Variants in GTF3C2 observed in about 807,000 individuals in gnomAD.
GTF3C2 encodes general transcription factor IIIC subunit 2.
A neutral mutation model predicts 117.4 loss-of-function variants in GTF3C2; 17 were observed. The ratio of observed to expected loss-of-function variants is 0.14; its 90% CI spans 0.10 to 0.22. The LOEUF is 0.22. Ranked by LOEUF, GTF3C2 falls within the 10% of genes least tolerant of loss-of-function variation. The pLI is 1.00. For missense variants in GTF3C2, 888 were observed against 1,143.6 expected (o/e 0.78, Z 3.22); for synonymous variants, 437 against 427.0 (o/e 1.02, Z -0.29).
At chr2:27,341,888 C>T (rs921575135) in intron 4 of GTF3C2, 60 bp downstream of exon 4, 2 of 1,408,252 alleles carry the variant, frequency 1.4e-6, no homozygotes, top group Non-Finnish European at 2.0e-6. Flanking sequence ...TTCTCAGTAC[C>T]TTGCTGGTCC....
exon 4 of GTF3C2, chr2:27,342,220 G>A (rs1204201995): frequency 6.2e-7 from 1 of 1,610,576 alleles, no homozygotes. Context: ...AGTTCCTGAA[G>A]ATACAGAAGT....
chr2:27,353,907 G>C (rs1188762281), intron 1 of GTF3C2, among the ~76,000 whole-genome samples: 2 of 151,722 alleles, frequency 1.3e-5, no homozygotes, highest in Non-Finnish European at 2.9e-5. Flanking sequence ...TTTTTTTGTA[G>C]AGACAGGGTC....
chr2:27,335,524 C>T, intron 10 of GTF3C2, 74 bp downstream of exon 10: 1 of 860,650 alleles, frequency 1.2e-6, no homozygotes, highest in Non-Finnish European at 1.9e-6. Context: ...GAGGAGTTTC[C>T]AGGGAGACAG....
chr2:27,349,799 T>G (rs1681061317), intron 1 of GTF3C2, among the ~76,000 whole-genome samples: 1 of 151,894 alleles, frequency 6.6e-6, no homozygotes, highest in Non-Finnish European at 1.5e-5. Context: ...CCACCATGCC[T>G]GGCTAACTTT....
chr2:27,326,754 T>C lies in GTF3C2; in HGVS notation c.2657A>G (p.Asn886Ser), dbSNP rs144448178. Reference sequence around the variant, plus strand: ...GGGGGAGGATGGTTGGAACATAGCATTGAAGTGGGCTCGGCTTTCAAGCTG... The same window carrying C: ...GGGGGAGGATGGTTGGAACATAGCACTGAAGTGGGCTCGGCTTTCAAGCTG... The change falls in exon 19 of 19, where the codon AAT (asparagine) becomes AGT (serine). Residue 886 changes from asparagine (N) to serine (S), a missense_variant. Transcript: ENST00000264720. The C allele has an allele frequency of 3.1e-6, 5 of 1,613,922 alleles. No individual in the cohort carries two copies. Among genetic ancestry groups the C allele is most frequent in the South Asian group, 1.1e-5 (1 of 91,062 alleles).
At chr2:27,351,179 A>G (rs1252851791) in intron 1 of GTF3C2, among the ~76,000 whole-genome samples, 1 of 152,118 alleles carries the variant, frequency 6.6e-6, no homozygotes, top group Non-Finnish European at 1.5e-5. Context: ...TGGGAGGCTG[A>G]AGAGGGCGGA....
At chr2:27,338,575 G>C (rs1213071067) in intron 4 of GTF3C2, among the ~76,000 whole-genome samples, 1 of 152,132 alleles carries the variant, frequency 6.6e-6, no homozygotes, top group Admixed American at 6.6e-5. Flanking sequence ...CTGTTGCCCA[G>C]GCTGGAGTGC....
At position 27,326,171 on chromosome 2, in the gene GTF3C2, C is replaced by A. The variant is rs191286683; in HGVS notation, c.*504G>T. The stretch of plus-strand genomic sequence containing the variant: ...GTCAAAGAAGTACTCTAAGCAACTT[C>A]AGTCTCACGAATTACTATCACCCTC... On this transcript the variant is annotated 3_prime_UTR_variant, in exon 19 of 19. Coordinates refer to ENST00000264720, the Ensembl canonical transcript of GTF3C2. 150 of 470,554 alleles carry A rather than the reference C, an allele frequency of 3.2e-4. 2 individuals are homozygous for A. The highest frequency in any genetic ancestry group is 2.8e-3 in the African/African-American group (141 of 50,146). The allele number at this position is 470,554 out of a possible 1,614,324, so 29.1% of individuals were successfully genotyped here.
intron 1 of GTF3C2, among the ~76,000 whole-genome samples, chr2:27,354,840 GTTAT>G (rs1291182168): frequency 6.6e-6 from 1 of 152,144 alleles, no homozygotes; most frequent in Non-Finnish European, 1.5e-5. Context: ...CATAGAATTA[GTTAT>G]TTAGACAATC....
Position 27,329,590 on chromosome 2 carries a change from T to TTA in GTF3C2, c.1733-68_1733-67insTA. On this transcript the variant is annotated intron_variant, in intron 12 of 18. Coordinates refer to ENST00000264720, the Ensembl canonical transcript of GTF3C2. This position sits in a 1 kb window ranked among gnomAD's most constrained non-coding sequence, Gnocchi z 4.5. ...TCTCTTCCTTGCTCTAATTTCTTTC[T>TTA]CTGGGCTCCTAGGACCTTTGTCTTC... 6.6e-7 allele frequency: 1 copy of TTA among 1,510,388 alleles called. No individual in the cohort carries two copies. Among genetic ancestry groups the TTA allele is most frequent in the Admixed American group, 1.7e-5 (1 of 57,338 alleles). The allele number at this position is 1,510,388 out of a possible 1,614,324, so 93.6% of individuals were successfully genotyped here. A position where few individuals can be genotyped will look rare whatever the true frequency, so the allele number is the denominator to read the frequency against.
chr2:27,332,608 G>T (rs1200832201), intron 12 of GTF3C2, among the ~76,000 whole-genome samples: 1 of 151,672 alleles, frequency 6.6e-6, no homozygotes, highest in East Asian at 1.9e-4. Flanking sequence ...TAGAGATGGG[G>T]TTTCACCGTG....
intron 4 of GTF3C2, chr2:27,339,854 G>A (rs1264809334): frequency 1.3e-5 from 2 of 152,018 alleles, no homozygotes; most frequent in Non-Finnish European, 2.9e-5. Flanking sequence ...GAGCGTGGTG[G>A]GGCGTGCCTT....
chr2:27,337,332 G>A, exon 7 of GTF3C2: 1 of 1,610,652 alleles, frequency 6.2e-7, no homozygotes, highest in Non-Finnish European at 8.5e-7. Context: ...GGCAGGTAGG[G>A]AGCGGCCTCA....
chr2:27,340,280 G>A (rs755602586), intron 4 of GTF3C2: 3 of 152,114 alleles, frequency 2.0e-5, no homozygotes, highest in Non-Finnish European at 4.4e-5. Flanking sequence ...AGTCTGGCTG[G>A]AGTGCAATAA....
At chr2:27,355,289 G>A (rs1207065363) in intron 1 of GTF3C2, among the ~76,000 whole-genome samples, 4 of 152,268 alleles carry the variant, frequency 2.6e-5, no homozygotes, top group African/African-American at 9.6e-5. Context: ...TTAGGAGGCC[G>A]AGGTGGGCGG....
intron 9 of GTF3C2, 66 bp from the exon 10 acceptor site, chr2:27,335,772 C>T: frequency 8.5e-7 from 1 of 1,182,354 alleles, no homozygotes; most frequent in Non-Finnish European, 1.2e-6. Flanking sequence ...CTTTGAGGTT[C>T]TAGTCCCTGA....
At chr2:27,335,493 G>C (rs1680431132) in intron 10 of GTF3C2, 105 bp downstream of exon 10, 2 of 729,666 alleles carry the variant, frequency 2.7e-6, no homozygotes, top group Non-Finnish European at 5.0e-6. Flanking sequence ...GTAAGGCTTT[G>C]TGCTAAGAGA....
chr2:27,338,930 G>A (rs1680609519), intron 4 of GTF3C2, among the ~76,000 whole-genome samples: 1 of 152,142 alleles, frequency 6.6e-6, no homozygotes. Context: ...AGCCTCCTGA[G>A]TAGCTTGAAG....
chr2:27,328,304 T>G, intron 16 of GTF3C2, 115 bp from the exon 17 acceptor site: 1 of 999,824 alleles, frequency 1.0e-6, no homozygotes. Context: ...TCTTTAAATA[T>G]ATGCTCAGAT....
Sources: allele counts gnomAD v4.1 joint callset (sites outside exome capture counted in the v4.1 genomes callset), GRCh38; gene constraint gnomAD v4.1.1; non-coding constraint Gnocchi (gnomAD v3.1); transcripts MANE v1.5; gene names NCBI Gene and HGNC (gene_info 2026-07-23, HGNC 2026-07-21).